The following NRP1 variants were observed in gnomAD, a reference collection of about 807,000 sequenced individuals.
The protein encoded by NRP1 is neuropilin-1.
A neutral mutation model predicts 106.7 loss-of-function variants in NRP1; 35 were observed. That is an observed-to-expected ratio of 0.33 (90% CI 0.25 to 0.43). NRP1 has a LOEUF of 0.43. NRP1 is among the 20% of genes least tolerant of loss of function. The pLI is 1.00. For synonymous variants in NRP1, 437 were observed against 417.9 expected, an observed-to-expected ratio of 1.05 and a Z score of -0.56; for missense variants, 1,024 against 1,170.4, an observed-to-expected ratio of 0.87 and a Z score of 1.83.
At chr10:33,307,278 C>T (rs550481586) in intron 2 of NRP1, among the ~76,000 whole-genome samples, 1 of 152,324 alleles carries the variant, frequency 6.6e-6, no homozygotes, top group East Asian at 1.9e-4. Context: ...TCAAACCTAT[C>T]TGACTGCTTG....
Position 33,334,557 on chromosome 10 carries a change from C to A in NRP1, c.-175G>T, listed in dbSNP as rs1848507316. 1 of 531,976 alleles carries A rather than the reference C, an allele frequency of 1.9e-6. No individual in the cohort carries two copies. The highest frequency in any genetic ancestry group is 3.3e-6 in the Non-Finnish European group (1 of 307,540). 33.0% of individuals were successfully genotyped at this position (531,976 alleles called of 1,614,324 possible). Reference sequence around the variant, plus strand: ...AGGCAATGCCTGGATCCGAGAGGAACGCTTCTCTTTTTGTGTCTCAAGTCG... The same window carrying A: ...AGGCAATGCCTGGATCCGAGAGGAAAGCTTCTCTTTTTGTGTCTCAAGTCG... On this transcript the variant is annotated 5_prime_UTR_variant, in exon 1 of 17. Transcript: ENST00000374867.
At chr10:33,239,208 A>G (rs1224048818) in intron 6 of NRP1, among the ~76,000 whole-genome samples, 1 of 151,772 alleles carries the variant, frequency 6.6e-6, no homozygotes, top group Non-Finnish European at 1.5e-5. Context: ...GGATCACTTG[A>G]GCCCAGGAGG....
At chr10:33,325,921 G>A (rs190882118) in intron 2 of NRP1, among the ~76,000 whole-genome samples, 16 of 152,242 alleles carry the variant, frequency 1.1e-4, no homozygotes, top group Admixed American at 7.2e-4. Context: ...CACTGAAGTC[G>A]GTAAGTAAGA....
At chr10:33,322,915 T>A (rs1847620023) in intron 2 of NRP1, among the ~76,000 whole-genome samples, 1 of 152,234 alleles carries the variant, frequency 6.6e-6, no homozygotes, top group African/African-American at 2.4e-5. Context: ...CATGTGTGAC[T>A]TTGATCACAA....
chr10:33,298,168 C>T (rs79751877), intron 2 of NRP1, among the ~76,000 whole-genome samples: 4,939 of 152,244 alleles, frequency 0.032, 130 homozygotes, highest in Non-Finnish European at 0.051. Context: ...TTTCAACACT[C>T]GTCCCAGGAA....
rs1848503355 is a variant in NRP1, at chr10:33,334,514, G to T, written c.-132C>A. 1.2e-5 allele frequency: 9 copies of T among 757,912 alleles called. No homozygotes were observed. The South Asian group carries it at 1.6e-4, about 13-fold the overall frequency. The allele number at this position is 757,912 out of a possible 1,614,324, so 46.9% of individuals were successfully genotyped here. ...AGCTGTACAATCCTCAGCCCGTCTT[G>T]GAGAAAAGAAAGCAGCGAGGCAATG... On this transcript the variant is annotated 5_prime_UTR_variant, in exon 1 of 17. Transcript: ENST00000374867.
intron 10 of NRP1, chr10:33,206,344 T>C (rs372389548): frequency 1.2e-5 from 6 of 518,820 alleles, no homozygotes; most frequent in African/African-American, 1.2e-4. Context: ...TTGGTCTGTG[T>C]TGATAGTGCC....
intron 2 of NRP1, among the ~76,000 whole-genome samples, chr10:33,313,872 A>C (rs1018821634): frequency 6.6e-6 from 1 of 152,184 alleles, no homozygotes; most frequent in Non-Finnish European, 1.5e-5. Context: ...TGCCCCAGAC[A>C]GTCTTTTGTC....
intron 12 of NRP1, 106 bp from the exon 13 acceptor site, chr10:33,192,524 C>T (rs1588693683): frequency 2.5e-6 from 3 of 1,185,138 alleles, no homozygotes; most frequent in East Asian, 2.4e-5. Context: ...ACGATTTATA[C>T]AACTTTATGT....
At chr10:33,283,546 T>C (rs1844296907) in intron 2 of NRP1, among the ~76,000 whole-genome samples, 1 of 152,238 alleles carries the variant, frequency 6.6e-6, no homozygotes, top group East Asian at 1.9e-4. Flanking sequence ...TAGAGCTTTT[T>C]TGTATCTGAC....
At chr10:33,269,693 C>T (rs1042242917) in intron 3 of NRP1, among the ~76,000 whole-genome samples, 1 of 152,202 alleles carries the variant, frequency 6.6e-6, no homozygotes, top group Non-Finnish European at 1.5e-5. Flanking sequence ...TTTACAGCCA[C>T]TCCCCATCAC....
At chr10:33,301,024 C>A (rs537886031) in intron 2 of NRP1, among the ~76,000 whole-genome samples, 1 of 152,144 alleles carries the variant, frequency 6.6e-6, no homozygotes, top group Non-Finnish European at 1.5e-5. Context: ...CTGGCTGCAC[C>A]CCTTTCCATG....
chr10:33,231,714 A>G (rs1420306803), intron 6 of NRP1, among the ~76,000 whole-genome samples: 1 of 152,168 alleles, frequency 6.6e-6, no homozygotes, highest in East Asian at 1.9e-4. Context: ...CCGTACAGAC[A>G]GGTATCATGC....
chr10:33,211,807 C>T (rs1838322470), intron 9 of NRP1: 1 of 152,182 alleles, frequency 6.6e-6, no homozygotes, highest in East Asian at 1.9e-4. Flanking sequence ...CTTCAATAAG[C>T]TAAAATCTGT....
chr10:33,229,471 T>A (rs564528269), intron 6 of NRP1, among the ~76,000 whole-genome samples: 34 of 152,312 alleles, frequency 2.2e-4, no homozygotes, highest in African/African-American at 7.9e-4. Flanking sequence ...CGAGGAAGCA[T>A]GAAGCAGAGC....
In NRP1 at chr10:33,213,385, C is replaced by T; in HGVS notation, c.1614+1G>A. 1 of 1,614,112 alleles carries T rather than the reference C, an allele frequency of 6.2e-7. No individual in the cohort carries two copies. The highest frequency in any genetic ancestry group is 8.5e-7 in the Non-Finnish European group (1 of 1,180,030). On this transcript the variant is annotated splice_donor_variant, in intron 9 of 16. Coordinates refer to ENST00000374867, the MANE Select transcript of NRP1 (RefSeq NM_003873.7). LOFTEE classifies it high-confidence loss of function. Reference sequence around the variant, plus strand: ...ACCTCCTCCCAGTCCCCAGCCCTCACCTTCGCCTTGCGTTTGCTGTCATCC... The same window carrying T: ...ACCTCCTCCCAGTCCCCAGCCCTCATCTTCGCCTTGCGTTTGCTGTCATCC...
intron 6 of NRP1, among the ~76,000 whole-genome samples, chr10:33,250,518 A>T (rs1255829871): frequency 6.6e-6 from 1 of 152,206 alleles, no homozygotes; most frequent in Non-Finnish European, 1.5e-5. Flanking sequence ...AACCCATCTC[A>T]ACGTGATTCA....
chr10:33,242,103 A>G (rs778380321), intron 6 of NRP1, among the ~76,000 whole-genome samples: 17 of 152,110 alleles, frequency 1.1e-4, no homozygotes, highest in Non-Finnish European at 2.2e-4. Context: ...TTCAGCATAT[A>G]GAGGTTGAAT....
intron 2 of NRP1, among the ~76,000 whole-genome samples, chr10:33,300,779 T>G (rs1265113498): frequency 6.6e-6 from 1 of 152,130 alleles, no homozygotes; most frequent in African/African-American, 2.4e-5. Flanking sequence ...CTCCCCTGCT[T>G]TGAGTTGTCC....
Sources: gnomAD v4.1 joint callset for allele counts (sites outside exome capture counted in the v4.1 genomes callset) on GRCh38, gnomAD v4.1.1 for gene constraint, MANE v1.5 for transcripts, NCBI Gene and HGNC (gene_info 2026-07-23, HGNC 2026-07-21) for gene names.